ALKAL2: variants seen among roughly 807,000 people sequenced by gnomAD.
ALKAL2 encodes the protein ALK and LTK ligand 2, also known as AUG-alpha.
Under a neutral mutation model 18.5 loss-of-function variants are expected in ALKAL2, and 8 were observed. That is an observed-to-expected ratio of 0.43 (90% CI 0.25 to 0.78). ALKAL2 has a LOEUF of 0.78. ALKAL2 is among the 30% of genes least tolerant of loss of function. The pLI is 0.22. For missense variants in ALKAL2, 241 were observed against 211.2 expected, an observed-to-expected ratio of 1.14 and a Z score of -0.88; for synonymous variants, 135 against 95.8, an observed-to-expected ratio of 1.41 and a Z score of -2.39.
intron 4 of ALKAL2, among the ~76,000 whole-genome samples, chr2:284,069 G>A (rs529422478): frequency 2.7e-4 from 41 of 152,314 alleles, no homozygotes; most frequent in South Asian, 6.2e-4. Flanking sequence ...TCATCTGACC[G>A]CCTGGCTTTC....
chr2:280,037 A>C lies in ALKAL2; in HGVS notation c.*110T>G. 1 of 1,294,590 alleles carries C rather than the reference A, an allele frequency of 7.7e-7. No homozygotes were observed. Among genetic ancestry groups the C allele is most frequent in the South Asian group, 1.2e-5 (1 of 83,596 alleles). 80.2% of individuals were successfully genotyped at this position (1,294,590 alleles called of 1,614,324 possible). A position where few individuals can be genotyped will look rare whatever the true frequency, so the allele number is the denominator to read the frequency against. The stretch of plus-strand genomic sequence containing the variant: ...GGACTTATGGAAGAGTCTGTCTGCA[A>C]AAATAAATCTCTTGTCCATGAGGGG... On this transcript the variant is annotated 3_prime_UTR_variant, in exon 6 of 6. Transcript: ENST00000403610.
At position 287,554 on chromosome 2, in the gene ALKAL2, G is replaced by A. The variant is rs1670560616; in HGVS notation, c.253+29C>T. The A allele has an allele frequency of 3.0e-6, 4 of 1,350,856 alleles. No homozygotes were observed. In the East Asian group the frequency reaches 9.4e-5, roughly 32 times the overall value. 83.7% of individuals were successfully genotyped at this position (1,350,856 alleles called of 1,614,324 possible). ...GACAATTCTATTTCCCAGCAGCCCC[G>A]GCCCTCGGGCGCGCTCGGCCCCACT... On this transcript the variant is annotated intron_variant, in intron 2 of 5. Coordinates refer to ENST00000403610, the MANE Select transcript of ALKAL2 (RefSeq NM_001002919.3).
At chr2:280,177 A>G (rs375783659) in intron 5 of ALKAL2, 25 bp from the exon 6 acceptor site, 51 of 1,613,702 alleles carry the variant, frequency 3.2e-5, no homozygotes, top group Non-Finnish European at 4.2e-5. Flanking sequence ...ATTGCGTGTG[A>G]TATGACTATC....
rs1195120045 is a variant in ALKAL2, at chr2:279,724, T to A, written c.*423A>T. On this transcript the variant is annotated 3_prime_UTR_variant, in exon 6 of 6. Transcript: ENST00000403610. ...ACATGACCGAAATTTTAATTTTTCA[T>A]GCCGTTCCAAATAATACTCTGAGAA... The A allele has an allele frequency of 6.0e-6, 1 of 167,224 alleles. No homozygotes were observed. Among genetic ancestry groups the A allele is most frequent in the Admixed American group, 6.0e-5 (1 of 16,806 alleles). 10.4% of individuals were successfully genotyped at this position (167,224 alleles called of 1,614,324 possible).
At chr2:285,829 G>T in intron 4 of ALKAL2, 1 of 359,138 alleles carries the variant, frequency 2.8e-6, no homozygotes, top group Non-Finnish European at 5.1e-6. Context: ...CCATAGTAGA[G>T]TACACACAAA....
At chr2:287,516 C>T in intron 2 of ALKAL2, 67 bp downstream of exon 2, 1 of 1,100,628 alleles carries the variant, frequency 9.1e-7, no homozygotes, top group Non-Finnish European at 1.2e-6. Context: ...CTTTTTGAAA[C>T]GTGTTTCTCA....
chr2:287,592 G>A lies in ALKAL2; in HGVS notation c.244C>T (p.Gln82Ter). 2 of 1,461,448 alleles carry A rather than the reference G, an allele frequency of 1.4e-6. No individual in the cohort carries two copies. The highest frequency in any genetic ancestry group is 1.8e-6 in the Non-Finnish European group (2 of 1,112,852). The allele number at this position is 1,461,448 out of a possible 1,614,324, so 90.5% of individuals were successfully genotyped here. Residue 82 changes from glutamine (Q) to a stop codon, truncating the protein, a stop_gained, in exon 2 of 6, where the codon CAG becomes TAG. Coordinates refer to ENST00000403610, the MANE Select transcript of ALKAL2 (RefSeq NM_001002919.3). LOFTEE classifies it high-confidence loss of function. ...GCTCGGCCCCACTCACCCACTCGCT[G>A]CTCCGGCGAAGGCCCCAGCCCCGCC... ...EAAGLGPSPE[Q>*]RVEIVPRDLR... is the part of the protein sequence containing the mutation.
Position 279,879 on chromosome 2 carries a change from T to C in ALKAL2, c.*268A>G. Reference sequence around the variant, plus strand: ...TGAAGACAATGAAATATTCTGTGTTTTATAGCACTACACGTCAAATGTGGA... The same window carrying C: ...TGAAGACAATGAAATATTCTGTGTTCTATAGCACTACACGTCAAATGTGGA... On this transcript the variant is annotated 3_prime_UTR_variant, in exon 6 of 6. Transcript: ENST00000403610. 1 of 434,838 alleles carries C rather than the reference T, an allele frequency of 2.3e-6. No homozygotes were observed. The allele number at this position is 434,838 out of a possible 1,614,324, so 26.9% of individuals were successfully genotyped here.
chr2:280,300 G>C (rs968936893), intron 5 of ALKAL2, 148 bp from the exon 6 acceptor site: 20 of 869,720 alleles, frequency 2.3e-5, no homozygotes, highest in Admixed American at 1.5e-4. Flanking sequence ...GATCCAAAAA[G>C]TGTAGTCTAT....
chr2:282,667 G>A (rs1670391129), intron 5 of ALKAL2, among the ~76,000 whole-genome samples: 1 of 152,212 alleles, frequency 6.6e-6, no homozygotes, highest in Non-Finnish European at 1.5e-5. Context: ...ATTTAAAGAG[G>A]ATAGCTGTTC....
chr2:283,081 G>A, intron 5 of ALKAL2, 30 bp downstream of exon 5: 2 of 1,591,676 alleles, frequency 1.3e-6, no homozygotes, highest in South Asian at 2.3e-5. Context: ...TCTTTGGTAT[G>A]TGCTCCAGTG....
chr2:280,078 G>A lies in ALKAL2; in HGVS notation c.*69C>T. The A allele has an allele frequency of 2.5e-6, 4 of 1,579,342 alleles. No homozygotes were observed. The East Asian group carries it at 6.7e-5, about 27-fold the overall frequency. On this transcript the variant is annotated 3_prime_UTR_variant, in exon 6 of 6. Transcript: ENST00000403610. ...CCATGAGGGGATGTGTATAAAGATA[G>A]TTCTGTTTCCCTGTTGGTTTCCAAG... is the stretch of plus-strand genomic sequence containing the variant.
Position 280,035 on chromosome 2 carries a change from C to A in ALKAL2, c.*112G>T, listed in dbSNP as rs1670285035. On this transcript the variant is annotated 3_prime_UTR_variant, in exon 6 of 6. Coordinates refer to ENST00000403610, the MANE Select transcript of ALKAL2 (RefSeq NM_001002919.3). ...AAGGACTTATGGAAGAGTCTGTCTG[C>A]AAAAATAAATCTCTTGTCCATGAGG... The A allele has an allele frequency of 7.9e-7, 1 of 1,270,340 alleles. No homozygotes were observed. 78.7% of individuals were successfully genotyped at this position (1,270,340 alleles called of 1,614,324 possible).
At chr2:282,118 T>C (rs920210394) in intron 5 of ALKAL2, among the ~76,000 whole-genome samples, 2 of 152,142 alleles carry the variant, frequency 1.3e-5, no homozygotes, top group Non-Finnish European at 1.5e-5. Context: ...CTGGGAAAGA[T>C]GGAGTGGGGG....
rs1385362039 is a variant in ALKAL2 at position 286,359 on chromosome 2, GA to G, written c.254-17del. The G allele has an allele frequency of 6.3e-7, 1 of 1,596,502 alleles. No homozygotes were observed. On this transcript the variant is annotated splice_polypyrimidine_tract_variant and intron_variant, in intron 2 of 5. Transcript: ENST00000403610. ...GGAACAATTTCTGTTTCAGGGAAAA[GA>G]AAGTATTATATTACCTGAAGGACGC...
At chr2:283,794 T>A (rs10199876) in intron 4 of ALKAL2, among the ~76,000 whole-genome samples, 100,492 of 152,114 alleles carry the variant, frequency 0.66, 33,947 homozygotes, top group East Asian at 0.85. Flanking sequence ...ATATGTCCTC[T>A]GGGTGAAGAT....
In ALKAL2 at chr2:280,161, A is replaced by AAAT; in HGVS notation, c.454-12_454-10dup. On this transcript the variant is annotated splice_polypyrimidine_tract_variant and intron_variant, in intron 5 of 5. Coordinates refer to ENST00000403610, the MANE Select transcript of ALKAL2 (RefSeq NM_001002919.3). The stretch of plus-strand genomic sequence containing the variant: ...GTACGGTCTGCTCACTGCTGAAAAC[A>AAAT]AATACATTGCGTGTGATATGACTAT... 6.2e-7 allele frequency: 1 copy of AAAT among 1,614,004 alleles called. No homozygotes were observed. The highest frequency in any genetic ancestry group is 2.2e-5 in the East Asian group (1 of 44,878).
intron 4 of ALKAL2, among the ~76,000 whole-genome samples, chr2:284,081 C>T (rs1670433083): frequency 6.6e-6 from 1 of 152,228 alleles, no homozygotes; most frequent in Admixed American, 6.5e-5. Flanking sequence ...CTGGCTTTCT[C>T]TTTCATAAGC....
At chr2:285,483 G>A (rs1670480160) in intron 4 of ALKAL2, among the ~76,000 whole-genome samples, 1 of 152,176 alleles carries the variant, frequency 6.6e-6, no homozygotes, top group Non-Finnish European at 1.5e-5. Context: ...CCCTATCACT[G>A]TAGCTAATAA....
Sources: gnomAD v4.1 joint callset for allele counts (sites outside exome capture counted in the v4.1 genomes callset) on GRCh38, gnomAD v4.1.1 for gene constraint, MANE v1.5 for transcripts, NCBI Gene and HGNC (gene_info 2026-07-23, HGNC 2026-07-21) for gene names.